DSCAML1: variants seen among roughly 807,000 people sequenced by gnomAD.
DSCAML1 encodes the protein DS cell adhesion molecule like 1, also known as cell adhesion molecule DSCAML1.
DSCAML1 carries 38 observed loss-of-function variants against 200.5 expected under a neutral mutation model. That is an observed-to-expected ratio of 0.19 (90% CI 0.15 to 0.25). The LOEUF (loss-of-function observed/expected upper bound fraction) is 0.25. Ranked by LOEUF, DSCAML1 falls within the 10% of genes least tolerant of loss-of-function variation. The probability of loss-of-function intolerance (pLI) is 1.00; values close to 1 mark genes in which losing one functional copy is unlikely to be tolerated. For synonymous variants in DSCAML1, 1,215 were observed against 1,165.0 expected (o/e 1.04, Z -0.87); for missense variants, 2,223 against 2,858.8 (o/e 0.78, Z 5.07).
chr11:117,532,572 C>G, intron 3 of DSCAML1, 50 bp from the exon 4 acceptor site: 1 of 1,576,068 alleles, frequency 6.3e-7, no homozygotes, highest in Non-Finnish European at 8.6e-7. Flanking sequence ...TTCGTACAGC[C>G]TCAGAGGCAG....
intron 3 of DSCAML1, among the ~76,000 whole-genome samples, chr11:117,735,225 GA>G (rs1237671720): frequency 6.6e-6 from 1 of 152,204 alleles, no homozygotes; most frequent in Admixed American, 6.5e-5. Context: ...AGGAAGGAAA[GA>G]AGACAGGAAG....
intron 3 of DSCAML1, among the ~76,000 whole-genome samples, chr11:117,649,041 A>ATATATATGTGTGTGTGTGTGTG (rs768621807): frequency 7.3e-6 from 1 of 137,846 alleles, no homozygotes; most frequent in African/African-American, 2.9e-5. Context: ...CTCCATATAT[A>ATATATATGTGTGTGTGTGTGTG]TGTGTGTGTG....
At position 117,518,716 on chromosome 11, in the gene DSCAML1, G is replaced by T. The variant is rs374361322; in HGVS notation, c.1260C>A (p.Asn420Lys). The T allele has an allele frequency of 6.5e-5, 105 of 1,612,958 alleles. No individual in the cohort carries two copies. Among genetic ancestry groups the T allele is most frequent in the Non-Finnish European group, 8.8e-5 (104 of 1,180,012 alleles). ...IVSSFSEKVV[N>K]PGEQFSLMCA... ...ACATCAGTGAGAACTGCTCCCCGGG[G>T]TTGACCACCTTCTCGCTGAAGGACG... The change falls in exon 7 of 33, where the codon AAC becomes AAA. Residue 420 changes from asparagine (N) to lysine (K), a missense_variant. Physicochemically the swap from Asn to Lys is moderately conservative, Grantham distance 94. Transcript: ENST00000651296. This position sits in a 1 kb window ranked among gnomAD's most constrained non-coding sequence, Gnocchi z 6.3.
In DSCAML1 at chr11:117,650,680, T is replaced by TGTGTGC. The variant is rs930363732; in HGVS notation, c.512-118159_512-118158insGCACAC. On this transcript the variant is annotated intron_variant, in intron 3 of 32. Transcript: ENST00000651296. ...GTGTGTGTCTATCTGTGTGTGTGTG[T>TGTGTGC]GTGTGTGTGTGTGTGTGTGTGCGTG... is the stretch of plus-strand genomic sequence containing the variant. 2.6e-4 allele frequency among the ~76,000 whole-genome samples: 35 copies of TGTGTGC among 136,838 alleles called. 1 individual carries two copies. Among genetic ancestry groups the TGTGTGC allele is most frequent in the Admixed American group, 2.3e-3 (31 of 13,326 alleles). 89.8% of individuals were successfully genotyped at this position (136,838 alleles called of 152,430 possible). A position where few individuals can be genotyped will look rare whatever the true frequency, so the allele number is the denominator to read the frequency against.
intron 1 of DSCAML1, among the ~76,000 whole-genome samples, chr11:117,790,843 T>C (rs942004292): frequency 3.3e-5 from 5 of 152,200 alleles, no homozygotes; most frequent in African/African-American, 1.2e-4. Flanking sequence ...GGTCCATGGA[T>C]AATGTTCTTT....
chr11:117,784,021 C>T (rs751824671), intron 1 of DSCAML1, among the ~76,000 whole-genome samples: 5 of 152,180 alleles, frequency 3.3e-5, no homozygotes, highest in African/African-American at 9.7e-5. Flanking sequence ...ACACAAGGTT[C>T]CCAGCAACTA....
At chr11:117,607,856 G>A (rs1424408448) in intron 3 of DSCAML1, among the ~76,000 whole-genome samples, 2 of 152,188 alleles carry the variant, frequency 1.3e-5, no homozygotes, top group Admixed American at 6.5e-5. Context: ...AGAATCAAGC[G>A]TCCTTGTCAA....
At chr11:117,726,050 C>T (rs1042191651) in intron 3 of DSCAML1, among the ~76,000 whole-genome samples, 1 of 152,210 alleles carries the variant, frequency 6.6e-6, no homozygotes, top group African/African-American at 2.4e-5. Flanking sequence ...GCCATCCTCC[C>T]TGATGGATCA....
Position 117,451,878 on chromosome 11 carries a change from G to A in DSCAML1, c.3569-1190C>T, listed in dbSNP as rs533068358. 5.3e-5 allele frequency among the ~76,000 whole-genome samples: 8 copies of A among 152,012 alleles called. No individual in the cohort carries two copies. The South Asian group carries it at 1.5e-3, about 28-fold the overall frequency. On this transcript the variant is annotated intron_variant, in intron 19 of 32. Transcript: ENST00000651296. ...TATTGCATAAGACACTCAATAAATT[G>A]TAACGATTATTATTTTTGCATTCTG...
At chr11:117,706,541 G>A (rs541549134) in intron 3 of DSCAML1, among the ~76,000 whole-genome samples, 47 of 152,264 alleles carry the variant, frequency 3.1e-4, no homozygotes, top group African/African-American at 1.1e-3. Context: ...TTTATCACAG[G>A]CGTTCTGGGC....
chr11:117,567,414 T>C (rs1181149966), intron 3 of DSCAML1, among the ~76,000 whole-genome samples: 1 of 152,156 alleles, frequency 6.6e-6, no homozygotes, highest in Non-Finnish European at 1.5e-5. Context: ...TCACCCACTT[T>C]TTGATGGGGT....
chr11:117,595,890 C>T (rs776622097), intron 3 of DSCAML1, among the ~76,000 whole-genome samples: 10 of 152,114 alleles, frequency 6.6e-5, no homozygotes, highest in Non-Finnish European at 1.3e-4. Flanking sequence ...TGGAAATATG[C>T]AGATAGAAGT....
intron 3 of DSCAML1, among the ~76,000 whole-genome samples, chr11:117,539,605 T>TAAAAAAA: frequency 3.7e-5 from 1 of 27,362 alleles, no homozygotes; most frequent in African/African-American, 2.3e-4. Flanking sequence ...TAAAACTCTG[T>TAAAAAAA]CAAAAAAAAA....
chr11:117,450,001 G>T (rs1351131745), intron 20 of DSCAML1, among the ~76,000 whole-genome samples: 3 of 152,200 alleles, frequency 2.0e-5, no homozygotes, highest in Non-Finnish European at 4.4e-5. Context: ...CCCAGGGTTA[G>T]GGCAGATATC....
intron 3 of DSCAML1, 26 bp from the exon 4 acceptor site, chr11:117,532,548 C>T (rs757808658): frequency 1.1e-5 from 17 of 1,603,202 alleles, no homozygotes; most frequent in Middle Eastern, 1.7e-4. Context: ...GGACATAGTT[C>T]GTTACTTCCC....
chr11:117,481,722 G>A (rs1261916166), intron 12 of DSCAML1, among the ~76,000 whole-genome samples: 3 of 152,090 alleles, frequency 2.0e-5, no homozygotes, highest in Non-Finnish European at 2.9e-5. Context: ...AGAAAAGAAG[G>A]TGGGACTGAA....
chr11:117,646,854 G>GGAA (rs1565848710), intron 3 of DSCAML1, among the ~76,000 whole-genome samples: 2 of 110,856 alleles, frequency 1.8e-5, no homozygotes. Context: ...AGAGAGAGAG[G>GGAA]AAAAAAAAAA....
At chr11:117,659,780 G>A (rs1219323358) in intron 3 of DSCAML1, among the ~76,000 whole-genome samples, 1 of 151,956 alleles carries the variant, frequency 6.6e-6, no homozygotes, top group Non-Finnish European at 1.5e-5. Flanking sequence ...GTGCAGTGGT[G>A]CAGTCTCAGC....
chr11:117,686,551 C>G (rs567166429), intron 3 of DSCAML1, among the ~76,000 whole-genome samples: 1 of 152,364 alleles, frequency 6.6e-6, no homozygotes, highest in East Asian at 1.9e-4. Context: ...ACATGCCCCC[C>G]GGCACCTGGA....
Sources: allele counts gnomAD v4.1 joint callset (sites outside exome capture counted in the v4.1 genomes callset), GRCh38; gene constraint gnomAD v4.1.1; non-coding constraint Gnocchi (gnomAD v3.1); transcripts MANE v1.5; gene names NCBI Gene and HGNC (gene_info 2026-07-23, HGNC 2026-07-21).